Variants in ELFN2 observed in about 807,000 individuals in gnomAD.
ELFN2 encodes the protein extracellular leucine rich repeat and fibronectin type III domain containing 2, also known as protein phosphatase 1 regulatory subunit 29.
A neutral mutation model predicts 45.5 loss-of-function variants in ELFN2; 17 were observed. The ratio of observed to expected loss-of-function variants is 0.37; its 90% CI spans 0.26 to 0.56. The LOEUF is 0.56. Among genes scored for constraint, ELFN2 ranks in the 20% least tolerant of loss-of-function variants. The probability of loss-of-function intolerance (pLI) is 0.77; values close to 1 mark genes in which losing one functional copy is unlikely to be tolerated. For missense variants in ELFN2, 922 were observed against 1,183.2 expected (o/e 0.78, Z 3.24); for synonymous variants, 550 against 551.5 (o/e 1.00, Z 0.04).
chr22:37,386,702 C>G (rs185192613), intron 2 of ELFN2, among the ~76,000 whole-genome samples: 2 of 152,152 alleles, frequency 1.3e-5, no homozygotes, highest in African/African-American at 4.8e-5. Context: ...GGAAACTCCC[C>G]GGGGAGGGCC....
chr22:37,342,560 C>G (rs1241925824), intron 2 of ELFN2: 1 of 152,220 alleles, frequency 6.6e-6, no homozygotes, highest in Non-Finnish European at 1.5e-5. Flanking sequence ...CCCAGGTCCC[C>G]CCCACTCCTG....
At chr22:37,424,282 C>T (rs952429412) in intron 1 of ELFN2, among the ~76,000 whole-genome samples, 1 of 152,066 alleles carries the variant, frequency 6.6e-6, no homozygotes, top group African/African-American at 2.4e-5. Flanking sequence ...AGGCTGACCT[C>T]TGTCACACAC....
chr22:37,425,229 T>C (rs1260380113), intron 1 of ELFN2, among the ~76,000 whole-genome samples: 1 of 152,126 alleles, frequency 6.6e-6, no homozygotes, highest in Non-Finnish European at 1.5e-5. Flanking sequence ...GGAGGTCAGA[T>C]AGGGGGCTGC....
intron 2 of ELFN2, among the ~76,000 whole-genome samples, chr22:37,405,089 CATTTTTTTT>C (rs1932463685): frequency 8.2e-6 from 1 of 121,534 alleles, no homozygotes; most frequent in South Asian, 2.4e-4. Context: ...TGAACCTCAG[CATTTTTTTT>C]TTTTTTTTTT....
intron 2 of ELFN2, among the ~76,000 whole-genome samples, chr22:37,382,541 CTTTTTT>C (rs1241322092): frequency 1.1e-5 from 1 of 90,908 alleles, no homozygotes; most frequent in Non-Finnish European, 2.1e-5. Context: ...CCACGCTGGC[CTTTTTT>C]TTTTTTTTTT....
At chr22:37,411,034 T>C (rs571833650) in intron 2 of ELFN2, among the ~76,000 whole-genome samples, 4 of 152,258 alleles carry the variant, frequency 2.6e-5, no homozygotes, top group African/African-American at 7.2e-5. Flanking sequence ...AGAAGCCCAG[T>C]GCTAGCATTC....
At chr22:37,362,537 G>A (rs866665083) in intron 1 of ELFN2, among the ~76,000 whole-genome samples, 3 of 152,200 alleles carry the variant, frequency 2.0e-5, no homozygotes, top group Non-Finnish European at 2.9e-5. Flanking sequence ...GGCATCTCTC[G>A]ACACTCCACT....
In ELFN2 at chr22:37,372,743, G is replaced by T; in HGVS notation, c.*329C>A. ...CCCCCCAGACCCCACACCCTCTCTT[G>T]GCTTCCTTCCTCCCCCCGCCAGCCC... On this transcript the variant is annotated 3_prime_UTR_variant, in exon 3 of 3. Transcript: ENST00000402918. This position sits in a 1 kb window ranked among gnomAD's most constrained non-coding sequence, Gnocchi z 4.4. 5.0e-6 allele frequency: 1 copy of T among 200,008 alleles called. No homozygotes were observed. Among genetic ancestry groups the T allele is most frequent in the Non-Finnish European group, 9.9e-6 (1 of 100,626 alleles). The allele number at this position is 200,008 out of a possible 1,614,324, so 12.4% of individuals were successfully genotyped here. A position where few individuals can be genotyped will look rare whatever the true frequency, so the allele number is the denominator to read the frequency against.
In ELFN2 at chr22:37,379,613, C is replaced by T. The variant is rs1310167360; in HGVS notation, c.-462-3617G>A. On this transcript the variant is annotated intron_variant, in intron 2 of 2. Transcript: ENST00000402918. ...AGGGTGCATGCTGTTATCGGGGGCTCCCGGTCTGCAGGCTGCATGCTGTAG... is the reference window on the plus strand; with the variant it reads ...AGGGTGCATGCTGTTATCGGGGGCTTCCGGTCTGCAGGCTGCATGCTGTAG... 2.0e-5 allele frequency among the ~76,000 whole-genome samples: 3 copies of T among 152,182 alleles called. No individual in the cohort carries two copies. In the East Asian group the frequency reaches 5.8e-4, roughly 29 times the overall value.
chr22:37,367,176 C>T (rs1393942312), downstream of ELFN2, among the ~76,000 whole-genome samples: 1 of 152,218 alleles, frequency 6.6e-6, no homozygotes, highest in Non-Finnish European at 1.5e-5. Flanking sequence ...TAGGTGGGCT[C>T]TGCCTCTGGG....
intron 2 of ELFN2, among the ~76,000 whole-genome samples, chr22:37,377,188 C>T (rs149782880): frequency 6.6e-6 from 1 of 152,362 alleles, no homozygotes; most frequent in Non-Finnish European, 1.5e-5. Context: ...TGCATCAACC[C>T]TCACTTTCCA....
intron 1 of ELFN2, among the ~76,000 whole-genome samples, chr22:37,426,358 A>G (rs1269761489): frequency 1.2e-3 from 91 of 74,642 alleles, no homozygotes; most frequent in Admixed American, 4.3e-3. Flanking sequence ...GCGCGCGCGC[A>G]CACACACACA....
intron 1 of ELFN2, among the ~76,000 whole-genome samples, chr22:37,351,625 G>A (rs1015354127): frequency 1.1e-4 from 17 of 149,832 alleles, no homozygotes; most frequent in Non-Finnish European, 2.5e-4. Context: ...TTCAAGGCTT[G>A]GAGAAAAGAG....
At chr22:37,405,251 C>T (rs965540450) in intron 2 of ELFN2, among the ~76,000 whole-genome samples, 4 of 152,066 alleles carry the variant, frequency 2.6e-5, no homozygotes, top group Non-Finnish European at 5.9e-5. Flanking sequence ...TTCCACCACA[C>T]CCAGCTAATT....
intron 2 of ELFN2, among the ~76,000 whole-genome samples, chr22:37,383,997 GTC>G (rs975517602): frequency 1.3e-5 from 2 of 152,056 alleles, no homozygotes; most frequent in African/African-American, 4.8e-5. Context: ...GTACACATGT[GTC>G]TCTGGTTTGC....
At chr22:37,426,616 C>T (rs1932852667) in intron 1 of ELFN2, among the ~76,000 whole-genome samples, 1 of 144,670 alleles carries the variant, frequency 6.9e-6, no homozygotes, top group Non-Finnish European at 1.6e-5. Flanking sequence ...CGCACGCACA[C>T]ACACACACTG....
chr22:37,349,288 G>A (rs1428005742), intron 1 of ELFN2, among the ~76,000 whole-genome samples: 1 of 151,232 alleles, frequency 6.6e-6, no homozygotes, highest in Non-Finnish European at 1.5e-5. Context: ...TGGCCTGGTG[G>A]CCCTGCCCTG....
Position 37,374,029 on chromosome 22 carries a change from A to G in ELFN2, c.1506T>C (p.Tyr502=), listed in dbSNP as rs1437518469. Residue 502 remains tyrosine, a synonymous_variant, in exon 3 of 3, where the codon TAT becomes TAC. Transcript: ENST00000402918. ...DTPKVATKGN[Y]IEVRTGAGGD... Reference sequence around the variant, plus strand: ...CGCCGGCGCCTGTGCGCACCTCGATATAGTTGCCTTTGGTGGCTACCTTGG... The same window carrying G: ...CGCCGGCGCCTGTGCGCACCTCGATGTAGTTGCCTTTGGTGGCTACCTTGG... 8 of 1,613,034 alleles carry G rather than the reference A, an allele frequency of 5.0e-6. No individual in the cohort carries two copies. Among genetic ancestry groups the G allele is most frequent in the African/African-American group, 2.7e-5 (2 of 74,918 alleles).
intron 1 of ELFN2, among the ~76,000 whole-genome samples, chr22:37,347,248 G>C (rs1292583334): frequency 1.3e-5 from 2 of 152,058 alleles, no homozygotes; most frequent in Non-Finnish European, 2.9e-5. Flanking sequence ...CAACGTGCTG[G>C]GATTACAGGT....
Sources: gnomAD v4.1 joint callset for allele counts (sites outside exome capture counted in the v4.1 genomes callset) on GRCh38, gnomAD v4.1.1 for gene constraint, Gnocchi (gnomAD v3.1) non-coding constraint, MANE v1.5 for transcripts, NCBI Gene and HGNC (gene_info 2026-07-23, HGNC 2026-07-21) for gene names.